The following SUGCT variants were observed in gnomAD, a reference collection of about 807,000 sequenced individuals.
SUGCT encodes succinyl-CoA:glutarate-CoA transferase.
SUGCT carries 41 observed loss-of-function variants against 55.0 expected under a neutral mutation model. The observed-to-expected ratio is 0.74, with a 90% CI of 0.58 to 0.97. The LOEUF (loss-of-function observed/expected upper bound fraction) is 0.97. Ranked by LOEUF, SUGCT falls within the 50% of genes least tolerant of loss-of-function variation. The pLI, the probability that SUGCT is intolerant of heterozygous loss-of-function variation, is 0.00. For synonymous variants in SUGCT, 187 were observed against 200.4 expected (o/e 0.93, Z 0.56); for missense variants, 568 against 547.8 (o/e 1.04, Z -0.37).
At chr7:40,589,626 C>T (rs902996899) in intron 12 of SUGCT, among the ~76,000 whole-genome samples, 1 of 152,120 alleles carries the variant, frequency 6.6e-6, no homozygotes, top group African/African-American at 2.4e-5. Flanking sequence ...ATTTCCAGCA[C>T]ATTAATTTTG....
At chr7:40,989,576 G>A in the SUGCT span, among the ~76,000 whole-genome samples, 1 of 151,426 alleles carries the variant, frequency 6.6e-6, no homozygotes, top group Non-Finnish European at 1.5e-5. Context: ...AGACCAGCCT[G>A]GCCAATATGG....
At chr7:40,957,713 A>G in the SUGCT span, among the ~76,000 whole-genome samples, 7 of 152,054 alleles carry the variant, frequency 4.6e-5, no homozygotes, top group Admixed American at 3.3e-4. Context: ...ATAACCAGTT[A>G]GCTGGTTATT....
intron 7 of SUGCT, among the ~76,000 whole-genome samples, chr7:40,248,888 G>GCA (rs34780979): frequency 0.19 from 26,287 of 135,332 alleles, 2,531 homozygotes; most frequent in Admixed American, 0.27. Flanking sequence ...GCGCGCGCTC[G>GCA]CACACACACA....
chr7:40,881,555 G>T, the SUGCT span, among the ~76,000 whole-genome samples: 3 of 152,282 alleles, frequency 2.0e-5, no homozygotes, highest in South Asian at 6.2e-4. Flanking sequence ...TTATTGTTTT[G>T]GCTGGGAGAT....
intron 9 of SUGCT, among the ~76,000 whole-genome samples, chr7:40,413,054 C>T (rs540322754): frequency 1.3e-5 from 2 of 151,978 alleles, no homozygotes; most frequent in African/African-American, 2.4e-5. Flanking sequence ...TTGTATTTGC[C>T]CAAAAATAAC....
chr7:40,179,124 G>A (rs994917465), intron 1 of SUGCT, among the ~76,000 whole-genome samples: 1 of 152,030 alleles, frequency 6.6e-6, no homozygotes, highest in East Asian at 1.9e-4. Flanking sequence ...AGCAGGGAAG[G>A]ATATTATGTT....
chr7:40,684,564 C>T (rs890210055), intron 12 of SUGCT, among the ~76,000 whole-genome samples: 2 of 152,152 alleles, frequency 1.3e-5, no homozygotes, highest in African/African-American at 4.8e-5. Context: ...GTTATTTATT[C>T]AGCTAATTAT....
Position 40,597,495 on chromosome 7 carries a change from T to TG in SUGCT, c.1089+101110dup, listed in dbSNP as rs776271476. On this transcript the variant is annotated intron_variant, in intron 12 of 13. Transcript: ENST00000335693. The stretch of plus-strand genomic sequence containing the variant: ...AAGGTCATGTGGTAGTCATCAGTGC[T>TG]GTTTACCAAATATTTCCAGCTTTCT... Among the ~76,000 whole-genome samples, 90 of 152,354 alleles carry TG rather than the reference T, an allele frequency of 5.9e-4. 1 individual carries two copies. Among genetic ancestry groups the TG allele is most frequent in the Admixed American group, 1.3e-3 (20 of 15,308 alleles).
At chr7:40,902,649 C>A in the SUGCT span, among the ~76,000 whole-genome samples, 1 of 151,528 alleles carries the variant, frequency 6.6e-6, no homozygotes, top group Non-Finnish European at 1.5e-5. Context: ...TCTATAAAGC[C>A]ATCTCCTTGT....
At chr7:40,828,363 G>A (rs1172186298) in intron 13 of SUGCT, among the ~76,000 whole-genome samples, 2 of 152,062 alleles carry the variant, frequency 1.3e-5, no homozygotes, top group South Asian at 2.1e-4. Context: ...TGTGAAGCTA[G>A]CATTTAATAT....
intron 12 of SUGCT, among the ~76,000 whole-genome samples, chr7:40,683,002 G>A (rs1784320692): frequency 6.6e-6 from 1 of 152,052 alleles, no homozygotes; most frequent in Non-Finnish European, 1.5e-5. Flanking sequence ...TGCCCTGTCA[G>A]TAGTGAAATA....
At chr7:40,285,088 A>G (rs377324772) in intron 8 of SUGCT, among the ~76,000 whole-genome samples, 2 of 152,208 alleles carry the variant, frequency 1.3e-5, no homozygotes, top group African/African-American at 4.8e-5. Context: ...ATCCCAAAGG[A>G]AAAAAGAATA....
chr7:40,943,310 A>G, the SUGCT span, among the ~76,000 whole-genome samples: 1 of 150,786 alleles, frequency 6.6e-6, no homozygotes, highest in Non-Finnish European at 1.5e-5. Context: ...TTTAAGTTTT[A>G]GGGTACATGT....
intron 12 of SUGCT, among the ~76,000 whole-genome samples, chr7:40,590,902 G>T (rs1395876099): frequency 6.6e-6 from 1 of 152,008 alleles, no homozygotes; most frequent in Non-Finnish European, 1.5e-5. Context: ...GAGACCTAGT[G>T]CTCAGAAAAA....
intron 12 of SUGCT, among the ~76,000 whole-genome samples, chr7:40,548,366 T>A (rs1161258057): frequency 6.6e-6 from 1 of 151,994 alleles, no homozygotes; most frequent in African/African-American, 2.4e-5. Flanking sequence ...TTTTTTAAAA[T>A]TTTTAACGGT....
chr7:40,791,091 T>A (rs868558204), intron 13 of SUGCT, among the ~76,000 whole-genome samples: 1 of 152,212 alleles, frequency 6.6e-6, no homozygotes, highest in Admixed American at 6.6e-5. Flanking sequence ...TCCTTTCTTT[T>A]ACAAAATTCA....
the SUGCT span, chr7:40,980,058 T>C: frequency 4.6e-5 from 7 of 152,240 alleles, no homozygotes; most frequent in African/African-American, 1.7e-4. Flanking sequence ...TACTGACCAA[T>C]TTTGTTCCCC....
intron 12 of SUGCT, among the ~76,000 whole-genome samples, chr7:40,650,749 G>A (rs1257140205): frequency 1.3e-5 from 2 of 152,144 alleles, no homozygotes; most frequent in East Asian, 1.9e-4. Context: ...TACATCTGCA[G>A]GATGTGCAGG....
At chr7:40,190,951 C>A (rs928418601) in intron 5 of SUGCT, among the ~76,000 whole-genome samples, 1 of 152,156 alleles carries the variant, frequency 6.6e-6, no homozygotes, top group South Asian at 2.1e-4. Flanking sequence ...GGTGGACTTG[C>A]ACAGTTCAAA....
Sources: allele counts gnomAD v4.1 joint callset (sites outside exome capture counted in the v4.1 genomes callset), GRCh38; gene constraint gnomAD v4.1.1; transcripts MANE v1.5; gene names NCBI Gene and HGNC (gene_info 2026-07-23, HGNC 2026-07-21).